The following KANK1 variants were observed in gnomAD, a reference collection of about 807,000 sequenced individuals.
KANK1 encodes the protein KN motif and ankyrin repeat domains 1.
In KANK1, 109 loss-of-function variants were observed where a neutral mutation model predicts 106.2. The observed-to-expected ratio is 1.03, with a 90% confidence interval of 0.88 to 1.20. The LOEUF is 1.20. Among genes scored for constraint, KANK1 ranks in the 50% most tolerant of loss-of-function variants. The pLI, the probability that KANK1 is intolerant of heterozygous loss-of-function variation, is 0.00. For missense variants in KANK1, 2,399 were observed against 1,710.7 expected (o/e 1.40, Z -7.10); for synonymous variants, 873 against 652.2 (o/e 1.34, Z -5.16).
intron 3 of KANK1, among the ~76,000 whole-genome samples, chr9:497,381 C>G (rs10118662): frequency 0.039 from 5,923 of 152,096 alleles, 373 homozygotes; most frequent in African/African-American, 0.14. Context: ...CCCCAGTTCA[C>G]CTTTTCTCTG....
chr9:729,510 G>A (rs897681067), intron 3 of KANK1, among the ~76,000 whole-genome samples: 1 of 152,206 alleles, frequency 6.6e-6, no homozygotes, highest in African/African-American at 2.4e-5. Context: ...TCTATACAGC[G>A]AGTCCTGGCA....
intron 2 of KANK1, among the ~76,000 whole-genome samples, chr9:687,429 C>G (rs906655120): frequency 6.6e-6 from 1 of 152,106 alleles, no homozygotes; most frequent in African/African-American, 2.4e-5. Context: ...TTGTTTTGGA[C>G]TTATTTTGTC....
chr9:635,537 C>T (rs1836892042), intron 1 of KANK1, among the ~76,000 whole-genome samples: 1 of 152,094 alleles, frequency 6.6e-6, no homozygotes, highest in Non-Finnish European at 1.5e-5. Context: ...CATATCAGCC[C>T]CTTGAGACTG....
At chr9:592,030 G>A (rs1462142118) in intron 1 of KANK1, among the ~76,000 whole-genome samples, 1 of 151,722 alleles carries the variant, frequency 6.6e-6, no homozygotes, top group Non-Finnish European at 1.5e-5. Flanking sequence ...TAGGGGCAGG[G>A]ACCTTGTCTG....
intron 1 of KANK1, among the ~76,000 whole-genome samples, chr9:550,528 T>G (rs2061214323): frequency 6.6e-6 from 1 of 152,166 alleles, no homozygotes; most frequent in Non-Finnish European, 1.5e-5. Context: ...GAGGATTGGT[T>G]GAGGTCAGGA....
At chr9:587,289 G>GC (rs80118817) in intron 1 of KANK1, among the ~76,000 whole-genome samples, 104,898 of 151,958 alleles carry the variant, frequency 0.69, 37,223 homozygotes, top group Non-Finnish European at 0.78. Flanking sequence ...ATGTATGATT[G>GC]AGAAAAGACT....
intron 1 of KANK1, among the ~76,000 whole-genome samples, chr9:556,594 C>A (rs1016874225): frequency 6.6e-6 from 1 of 152,156 alleles, no homozygotes; most frequent in African/African-American, 2.4e-5. Context: ...CTTCATTGAT[C>A]CAAAGTGAGA....
chr9:521,435 G>C (rs2059544618), intron 1 of KANK1, among the ~76,000 whole-genome samples: 1 of 151,490 alleles, frequency 6.6e-6, no homozygotes, highest in African/African-American at 2.4e-5. Flanking sequence ...CTGCACTTGG[G>C]GTTCTTCCTG....
At chr9:653,868 T>C (rs1475583028) in intron 1 of KANK1, among the ~76,000 whole-genome samples, 2 of 152,244 alleles carry the variant, frequency 1.3e-5, no homozygotes, top group Non-Finnish European at 2.9e-5. Flanking sequence ...TGTTAGATTG[T>C]CATTCCAATA....
chr9:680,449 A>G (rs528790297), intron 2 of KANK1, among the ~76,000 whole-genome samples: 1 of 152,182 alleles, frequency 6.6e-6, no homozygotes, highest in Non-Finnish European at 1.5e-5. Context: ...TAATGCTGTA[A>G]TTTGTAAAAT....
At chr9:472,066 A>C (rs2058031863) in intron 2 of KANK1, among the ~76,000 whole-genome samples, 1 of 152,236 alleles carries the variant, frequency 6.6e-6, no homozygotes, top group Non-Finnish European at 1.5e-5. Context: ...CCATACGCCA[A>C]AACACTCTTA....
intron 1 of KANK1, among the ~76,000 whole-genome samples, chr9:565,076 T>C (rs1280783232): frequency 2.0e-5 from 3 of 152,188 alleles, no homozygotes; most frequent in Non-Finnish European, 4.4e-5. Context: ...AGTGTGACTT[T>C]AGAAACAGAA....
In KANK1 at chr9:510,244, G is replaced by A. The variant is rs12335637; in HGVS notation, c.-84+5490G>A. Among the ~76,000 whole-genome samples, 4 of 151,994 alleles carry A rather than the reference G, an allele frequency of 2.6e-5. No homozygotes were observed. The East Asian group carries it at 7.7e-4, about 29-fold the overall frequency. On this transcript the variant is annotated intron_variant, in intron 1 of 11. Transcript: ENST00000382297. ...AAATAGCATAAATTGAACCTTTGTG[G>A]CAATTTCATTTAGGTATCACTGATT...
Position 712,356 on chromosome 9 carries a change from C to G in KANK1, c.1590C>G (p.His530Gln). The change falls in exon 3 of 12, where the codon CAC (histidine) becomes CAG (glutamine). Residue 530 changes from histidine (H) to glutamine (Q), a missense_variant. Physicochemically the swap from His to Gln is conservative, Grantham distance 24 (BLOSUM62 0). Transcript: ENST00000382297. ...VQTRDQMVGS[H>Q]MDLVDTCVGT... is the part of the protein sequence containing the mutation. ...CCAGAGACCAAATGGTCGGCAGTCA[C>G]ATGGACCTGGTGGACACGTGTGTTG... 6.2e-7 allele frequency: 1 copy of G among 1,614,184 alleles called. No homozygotes were observed. Among genetic ancestry groups the G allele is most frequent in the South Asian group, 1.1e-5 (1 of 91,086 alleles).
Position 631,629 on chromosome 9 carries a change from G to T in KANK1, c.-83-45261G>T, listed in dbSNP as rs1003599233. On this transcript the variant is annotated intron_variant, in intron 1 of 11. Coordinates refer to ENST00000382297, the MANE Select transcript of KANK1 (RefSeq NM_015158.5). ...AGTTACTGAAAACTAACCCAATATG[G>T]TGGCTTCTGAGCTCAGGTGTCTTTC... 3.9e-5 allele frequency among the ~76,000 whole-genome samples: 6 copies of T among 152,166 alleles called. No homozygotes were observed. In the South Asian group the frequency reaches 6.2e-4, roughly 16 times the overall value.
intron 2 of KANK1, among the ~76,000 whole-genome samples, chr9:680,465 A>G (rs1817318920): frequency 6.6e-6 from 1 of 152,234 alleles, no homozygotes; most frequent in Non-Finnish European, 1.5e-5. Context: ...AAAATGTATT[A>G]TGCCACACTT....
intron 1 of KANK1, among the ~76,000 whole-genome samples, chr9:628,925 A>G (rs1243021332): frequency 3.7e-5 from 5 of 135,118 alleles, no homozygotes; most frequent in African/African-American, 1.0e-4. Context: ...CTAAAAATAC[A>G]AAAAATTAGC....
chr9:614,587 C>T (rs779698835), intron 1 of KANK1, among the ~76,000 whole-genome samples: 2 of 152,028 alleles, frequency 1.3e-5, no homozygotes, highest in Non-Finnish European at 2.9e-5. Context: ...GTCTCGTGTG[C>T]GGCAGGGTAT....
intron 1 of KANK1, among the ~76,000 whole-genome samples, chr9:568,216 A>C (rs978751722): frequency 6.6e-6 from 1 of 152,216 alleles, no homozygotes; most frequent in Admixed American, 6.5e-5. Flanking sequence ...GATTTTTTAC[A>C]CCAAAGGCAA....
Sources: gnomAD v4.1 joint callset for allele counts (sites outside exome capture counted in the v4.1 genomes callset) on GRCh38, gnomAD v4.1.1 for gene constraint, MANE v1.5 for transcripts, NCBI Gene and HGNC (gene_info 2026-07-23, HGNC 2026-07-21) for gene names.